Variants in SCN2B observed in about 807,000 individuals in gnomAD.
SCN2B encodes the protein sodium voltage-gated channel beta subunit 2.
A neutral mutation model predicts 18.2 loss-of-function variants in SCN2B; 14 were observed. The observed-to-expected ratio is 0.77, with a 90% CI of 0.51 to 1.21. The LOEUF is 1.21. Among genes scored for constraint, SCN2B ranks in the 50% most tolerant of loss-of-function variants. SCN2B has a pLI of 0.00. For synonymous variants in SCN2B, 115 were observed against 115.3 expected (o/e 1.00, Z 0.02); for missense variants, 262 against 286.9 (o/e 0.91, Z 0.63).
At position 118,163,803 on chromosome 11, in the gene SCN2B, T is replaced by C. The variant is rs1948353285; in HGVS notation, c.*3084A>G. Reference sequence around the variant, plus strand: ...CCCCACGGTAGGAAGAGGAAGAACTTGTCAGCATAAGTTAGGAAACAGGGT... The same window carrying C: ...CCCCACGGTAGGAAGAGGAAGAACTCGTCAGCATAAGTTAGGAAACAGGGT... On this transcript the variant is annotated 3_prime_UTR_variant, in exon 4 of 4. Transcript: ENST00000278947. The C allele has an allele frequency of 6.6e-6, 1 of 152,220 alleles. No individual in the cohort carries two copies. The highest frequency in any genetic ancestry group is 1.5e-5 in the Non-Finnish European group (1 of 68,032). The allele number at this position is 152,220 out of a possible 1,614,324, so 9.4% of individuals were successfully genotyped here.
rs1259465408 is a variant in SCN2B at position 118,168,338 on chromosome 11, AG to A, written c.238-44del. ...GACAGGATGGGTGGCTGGATGAGCAAGGAACTACAAGGACAGTGAGGATGCC... is the reference window on the plus strand; with the variant it reads ...GACAGGATGGGTGGCTGGATGAGCAAGAACTACAAGGACAGTGAGGATGCC... On this transcript the variant is annotated intron_variant, in intron 2 of 3. Coordinates refer to ENST00000278947, the MANE Select transcript of SCN2B (RefSeq NM_004588.5). This position sits in a 1 kb window ranked among gnomAD's most constrained non-coding sequence, Gnocchi z 4.7. 26 of 1,540,122 alleles carry A rather than the reference AG, an allele frequency of 1.7e-5. No individual in the cohort carries two copies. Among genetic ancestry groups the A allele is most frequent in the Non-Finnish European group, 2.3e-5 (26 of 1,113,074 alleles).
chr11:118,169,185 G>A (rs1948410528), intron 1 of SCN2B, among the ~76,000 whole-genome samples: 2 of 152,122 alleles, frequency 1.3e-5, no homozygotes, highest in South Asian at 2.1e-4. Context: ...GGTAGGGGAG[G>A]AGAGAAACCA....
rs1292085535 is a variant in SCN2B, at chr11:118,163,090, C to A, written c.*3797G>T. On this transcript the variant is annotated 3_prime_UTR_variant, in exon 4 of 4. Transcript: ENST00000278947. ...CTCAAAACACTGAGAAGTTATTACA[C>A]CTCCCCACACACACACAGTGTAACT... The A allele has an allele frequency of 6.6e-6, 1 of 152,614 alleles. No individual in the cohort carries two copies. The highest frequency in any genetic ancestry group is 1.5e-5 in the Non-Finnish European group (1 of 68,044). 9.5% of individuals were successfully genotyped at this position (152,614 alleles called of 1,614,324 possible).
chr11:118,170,021 T>C (rs886810634), intron 1 of SCN2B, among the ~76,000 whole-genome samples: 1 of 152,220 alleles, frequency 6.6e-6, no homozygotes, highest in Non-Finnish European at 1.5e-5. Context: ...AAGATTCCTT[T>C]TCTTTATGGA....
In SCN2B at chr11:118,168,739, C is replaced by T. The variant is rs72544145; in HGVS notation, c.83G>A (p.Arg28Gln). The stretch of plus-strand genomic sequence containing the variant: ...GGCAGGTACTGTGACCTCCATGCTC[C>T]GTCCTGGTGGCACTGCAGATGAAGC... ...SLFFSLVPPG[R>Q]SMEVTVPATL... Residue 28 changes from arginine (R) to glutamine (Q), a missense_variant, in exon 2 of 4, where the codon CGG becomes CAG. Arg to Gln is a conservative substitution (Grantham distance 43). Transcript: ENST00000278947. This position sits in a 1 kb window ranked among gnomAD's most constrained non-coding sequence, Gnocchi z 4.7. 37 of 1,614,034 alleles carry T rather than the reference C, an allele frequency of 2.3e-5. No individual in the cohort carries two copies. Among genetic ancestry groups the T allele is most frequent in the Non-Finnish European group, 2.9e-5 (34 of 1,180,030 alleles).
In SCN2B at chr11:118,176,553, A is replaced by G; in HGVS notation, c.-122T>C. On this transcript the variant is annotated 5_prime_UTR_variant, in exon 1 of 4. Transcript: ENST00000278947. ...ATGCACGGATGTACTTCAAAGACAT[A>G]TACAACATTAAGGAAGCTTTATTTC... 1.4e-6 allele frequency: 1 copy of G among 725,982 alleles called. No individual in the cohort carries two copies. Among genetic ancestry groups the G allele is most frequent in the Non-Finnish European group, 2.5e-6 (1 of 400,258 alleles). 45.0% of individuals were successfully genotyped at this position (725,982 alleles called of 1,614,324 possible).
chr11:118,163,419 C>T lies in SCN2B; in HGVS notation c.*3468G>A, dbSNP rs755273421. The T allele has an allele frequency of 6.6e-6, 1 of 152,636 alleles. No individual in the cohort carries two copies. Among genetic ancestry groups the T allele is most frequent in the South Asian group, 2.1e-4 (1 of 4,834 alleles). 9.5% of individuals were successfully genotyped at this position (152,636 alleles called of 1,614,324 possible). On this transcript the variant is annotated 3_prime_UTR_variant, in exon 4 of 4. Transcript: ENST00000278947. ...GCAAATATTTACCAGCCCAACCTCC[C>T]CAAGGAGACTCGCAGAGAGAAACAT...
In SCN2B at chr11:118,176,552, T is replaced by C. The variant is rs2134623919; in HGVS notation, c.-121A>G. The stretch of plus-strand genomic sequence containing the variant: ...AATGCACGGATGTACTTCAAAGACA[T>C]ATACAACATTAAGGAAGCTTTATTT... On this transcript the variant is annotated 5_prime_UTR_variant, in exon 1 of 4. In the 5' UTR this introduces an upstream ATG that the reference lacks. Transcript: ENST00000278947. The C allele has an allele frequency of 1.4e-6, 1 of 721,340 alleles. No homozygotes were observed. Among genetic ancestry groups the C allele is most frequent in the Non-Finnish European group, 2.5e-6 (1 of 397,568 alleles). The allele number at this position is 721,340 out of a possible 1,614,324, so 44.7% of individuals were successfully genotyped here. A position where few individuals can be genotyped will look rare whatever the true frequency, so the allele number is the denominator to read the frequency against.
At position 118,168,107 on chromosome 11, in the gene SCN2B, G is replaced by A; in HGVS notation, c.426C>T (p.Ile142=). ...CACCTTCCATGAGGACCTGCAGATGGATCTTGCCATGGCCACGGTGGCGGT... is the reference window on the plus strand; with the variant it reads ...CACCTTCCATGAGGACCTGCAGATGAATCTTGCCATGGCCACGGTGGCGGT... ...PPDRHRGHGK[I]HLQVLMEEPP... The change falls in exon 3 of 4, where the codon ATC becomes ATT. Residue 142 remains isoleucine, a synonymous_variant. Coordinates refer to ENST00000278947, the MANE Select transcript of SCN2B (RefSeq NM_004588.5). This position sits in a 1 kb window ranked among gnomAD's most constrained non-coding sequence, Gnocchi z 4.7. 1 of 1,614,062 alleles carries A rather than the reference G, an allele frequency of 6.2e-7. No homozygotes were observed. Among genetic ancestry groups the A allele is most frequent in the Non-Finnish European group, 8.5e-7 (1 of 1,179,964 alleles).
At chr11:118,170,134 G>A (rs1948418817) in intron 1 of SCN2B, among the ~76,000 whole-genome samples, 1 of 152,238 alleles carries the variant, frequency 6.6e-6, no homozygotes, top group Non-Finnish European at 1.5e-5. Flanking sequence ...GGGGGTTACT[G>A]CTGTGAACAG....
At chr11:118,167,993 G>T in intron 3 of SCN2B, 92 bp downstream of exon 3, 5 of 1,032,718 alleles carry the variant, frequency 4.8e-6, no homozygotes, top group Middle Eastern at 2.7e-4. Flanking sequence ...CCTCAGGAGG[G>T]CCTGGCCTCC....
At chr11:118,174,863 G>A (rs751710436) in intron 1 of SCN2B, among the ~76,000 whole-genome samples, 7 of 152,180 alleles carry the variant, frequency 4.6e-5, no homozygotes, top group Non-Finnish European at 1.0e-4. Flanking sequence ...CTCCAGCTGG[G>A]CCTCCTTACA....
intron 1 of SCN2B, among the ~76,000 whole-genome samples, chr11:118,174,948 A>G (rs1948457875): frequency 6.6e-6 from 1 of 152,214 alleles, no homozygotes; most frequent in South Asian, 2.1e-4. Context: ...TTAATATAGC[A>G]GTGCCATTTC....
chr11:118,171,588 C>G (rs141750111), intron 1 of SCN2B, among the ~76,000 whole-genome samples: 1 of 152,260 alleles, frequency 6.6e-6, no homozygotes, highest in Non-Finnish European at 1.5e-5. Flanking sequence ...CTCTGCCCCC[C>G]ACCAAGCCCA....
At chr11:118,172,090 C>T (rs1432676617) in intron 1 of SCN2B, among the ~76,000 whole-genome samples, 1 of 152,174 alleles carries the variant, frequency 6.6e-6, no homozygotes, top group East Asian at 1.9e-4. Flanking sequence ...TCATTAAAGA[C>T]GAGGGGACCA....
At chr11:118,173,991 C>T (rs1042659664) in intron 1 of SCN2B, among the ~76,000 whole-genome samples, 54 of 151,818 alleles carry the variant, frequency 3.6e-4, no homozygotes, top group Admixed American at 1.9e-3. Context: ...GGCATGATCA[C>T]GGCTCACTGC....
At chr11:118,171,136 G>A (rs572266198) in intron 1 of SCN2B, among the ~76,000 whole-genome samples, 1 of 152,264 alleles carries the variant, frequency 6.6e-6, no homozygotes, top group East Asian at 1.9e-4. Context: ...TGGATGGAGG[G>A]GTAGGCATGG....
chr11:118,165,352 A>T lies in SCN2B; in HGVS notation c.*1535T>A, dbSNP rs1250128818. 1.3e-5 allele frequency: 2 copies of T among 152,490 alleles called. No homozygotes were observed. Among genetic ancestry groups the T allele is most frequent in the Admixed American group, 6.5e-5 (1 of 15,274 alleles). The allele number at this position is 152,490 out of a possible 1,614,324, so 9.4% of individuals were successfully genotyped here. A position where few individuals can be genotyped will look rare whatever the true frequency, so the allele number is the denominator to read the frequency against. ...CTAGTTGATCTCTGAGGATCTTCCA[A>T]GGTCATGGTCTCAGAGTCAGTGTTT... On this transcript the variant is annotated 3_prime_UTR_variant, in exon 4 of 4. Transcript: ENST00000278947.
At chr11:118,169,125 C>T (rs1480823360) in intron 1 of SCN2B, among the ~76,000 whole-genome samples, 1 of 152,148 alleles carries the variant, frequency 6.6e-6, no homozygotes, top group Admixed American at 6.5e-5. Flanking sequence ...TGGGCAGGCA[C>T]ATATGGGGCA....
Sources: gnomAD v4.1 joint callset for allele counts (sites outside exome capture counted in the v4.1 genomes callset) on GRCh38, gnomAD v4.1.1 for gene constraint, Gnocchi (gnomAD v3.1) non-coding constraint, MANE v1.5 for transcripts, NCBI Gene and HGNC (gene_info 2026-07-23, HGNC 2026-07-21) for gene names.